Variants in PCDHGB6 observed in about 807,000 individuals in gnomAD.
PCDHGB6 encodes protocadherin gamma-B6.
A neutral mutation model predicts 59.1 loss-of-function variants in PCDHGB6; 51 were observed. That is an observed-to-expected ratio of 0.86 (90% CI 0.69 to 1.09). The LOEUF is 1.09. Among genes scored for constraint, PCDHGB6 ranks in the 50% least tolerant of loss-of-function variants. PCDHGB6 has a pLI of 0.00. For missense variants in PCDHGB6, 1,148 were observed against 1,205.1 expected (o/e 0.95, Z 0.70); for synonymous variants, 466 against 495.1 (o/e 0.94, Z 0.78).
At position 141,489,662 on chromosome 5, in the gene PCDHGB6, G is replaced by A. The variant is rs2233601; in HGVS notation, c.2419-5145G>A. On this transcript the variant is annotated intron_variant, in intron 1 of 3. Coordinates refer to ENST00000520790, the MANE Select transcript of PCDHGB6 (RefSeq NM_018926.3). This position sits in a 1 kb window ranked among gnomAD's most constrained non-coding sequence, Gnocchi z 4.5. ...TTTGCCACCCCTGAGCGAGAGATGC[G>A]CATCTCAGAATCAGCAGCATCTGGG... The A allele has an allele frequency of 4.0e-4, 649 of 1,614,144 alleles. 2 individuals are homozygous for A. The highest frequency in any genetic ancestry group is 1.5e-3 in the Middle Eastern group (9 of 6,062).
In PCDHGB6 at chr5:141,418,400, G is replaced by C; in HGVS notation, c.2418+7780G>C. ...AAGTCCTAACGAGTATTTCTCATTGGTGGAGAAAGACAATCCTGATGGTGG... is the reference window on the plus strand; with the variant it reads ...AAGTCCTAACGAGTATTTCTCATTGCTGGAGAAAGACAATCCTGATGGTGG... On this transcript the variant is annotated intron_variant, in intron 1 of 3. Coordinates refer to ENST00000520790, the MANE Select transcript of PCDHGB6 (RefSeq NM_018926.3). The C allele has an allele frequency of 6.2e-7, 1 of 1,613,900 alleles. No homozygotes were observed. The highest frequency in any genetic ancestry group is 8.5e-7 in the Non-Finnish European group (1 of 1,179,794).
At chr5:141,492,659 T>C (rs2099742881) in intron 1 of PCDHGB6, among the ~76,000 whole-genome samples, 1 of 152,182 alleles carries the variant, frequency 6.6e-6, no homozygotes, top group Non-Finnish European at 1.5e-5. Context: ...GTCCGGATGG[T>C]CCCGGGACTC....
At position 141,485,675 on chromosome 5, in the gene PCDHGB6, A is replaced by C. The variant is rs1562106929; in HGVS notation, c.2419-9132A>C. 6.2e-7 allele frequency: 1 copy of C among 1,613,068 alleles called. No homozygotes were observed. The highest frequency in any genetic ancestry group is 8.5e-7 in the Non-Finnish European group (1 of 1,179,150). On this transcript the variant is annotated intron_variant, in intron 1 of 3. Coordinates refer to ENST00000520790, the MANE Select transcript of PCDHGB6 (RefSeq NM_018926.3). The surrounding 1 kb of genome is among the most constrained non-coding windows in gnomAD (Gnocchi z 5.7). ...TGCAGATGTGGGGAGCAATTCGATT[A>C]GCAGCTATAGGCTGAGCTCCAATGA...
At chr5:141,510,296 G>A (rs999749575) in intron 3 of PCDHGB6, among the ~76,000 whole-genome samples, 6 of 149,608 alleles carry the variant, frequency 4.0e-5, no homozygotes, top group African/African-American at 1.5e-4. Flanking sequence ...AAAAAATGCT[G>A]TTTTGAAATG....
intron 1 of PCDHGB6, chr5:141,423,971 G>T: frequency 8.8e-7 from 1 of 1,136,014 alleles, no homozygotes; most frequent in Non-Finnish European, 1.1e-6. Context: ...TCTATTATCA[G>T]TGTATGAGGC....
intron 1 of PCDHGB6, chr5:141,413,400 G>C: frequency 6.2e-7 from 1 of 1,614,060 alleles, no homozygotes; most frequent in Non-Finnish European, 8.5e-7. Context: ...CCAGAGGTAG[G>C]ACGCAGCTTT....
intron 1 of PCDHGB6, among the ~76,000 whole-genome samples, chr5:141,471,913 G>A (rs1307168228): frequency 6.6e-6 from 1 of 152,164 alleles, no homozygotes. Context: ...CAAGCATGAG[G>A]GAAATTTTGG....
At chr5:141,455,160 GT>G (rs59530096) in intron 1 of PCDHGB6, among the ~76,000 whole-genome samples, 102 of 149,212 alleles carry the variant, frequency 6.8e-4, no homozygotes, top group East Asian at 7.9e-4. Flanking sequence ...TAGTTTGTTG[GT>G]TTTTTTTTTA....
intron 1 of PCDHGB6, among the ~76,000 whole-genome samples, chr5:141,437,976 T>G (rs1182220385): frequency 1.3e-5 from 2 of 152,096 alleles, no homozygotes; most frequent in Non-Finnish European, 2.9e-5. Flanking sequence ...GATCTTGGGA[T>G]GCACCCACCC....
intron 1 of PCDHGB6, among the ~76,000 whole-genome samples, chr5:141,460,961 A>ATATGTGTGTGTG (rs1463306338): frequency 4.1e-5 from 6 of 144,616 alleles, no homozygotes; most frequent in Admixed American, 1.4e-4. Flanking sequence ...GTATATATAT[A>ATATGTGTGTGTG]TGTGTGTGTG....
chr5:141,494,785 T>G, intron 1 of PCDHGB6, 22 bp from the exon 2 acceptor site: 1 of 1,614,016 alleles, frequency 6.2e-7, no homozygotes, highest in Non-Finnish European at 8.5e-7. Flanking sequence ...ACTCAGCCCC[T>G]TTCCCTCTGT....
intron 1 of PCDHGB6, among the ~76,000 whole-genome samples, chr5:141,468,921 G>A (rs1254189500): frequency 6.6e-6 from 1 of 151,342 alleles, no homozygotes; most frequent in African/African-American, 2.4e-5. Context: ...GAAGAGAATA[G>A]CACTAAAATG....
At chr5:141,419,756 G>A in intron 1 of PCDHGB6, 7 of 1,614,008 alleles carry the variant, frequency 4.3e-6, no homozygotes, top group East Asian at 2.2e-5. Flanking sequence ...GCGTGCTTTG[G>A]GTGACAAGGA....
At chr5:141,412,084 G>C (rs1199665555) in intron 1 of PCDHGB6, 1 of 152,170 alleles carries the variant, frequency 6.6e-6, no homozygotes, top group East Asian at 1.9e-4. Flanking sequence ...ATTGCTACTG[G>C]GTTGATGGGC....
In PCDHGB6 at chr5:141,511,307, G is replaced by A. The variant is rs919320754; in HGVS notation, c.*134G>A. On this transcript the variant is annotated 3_prime_UTR_variant, in exon 4 of 4. Coordinates refer to ENST00000520790, the MANE Select transcript of PCDHGB6 (RefSeq NM_018926.3). ...TAGGGGCCAAGGCCATGCTCCCCTT[G>A]GGAAACAGAAACAAGTGCCCAGTCA... 8 of 1,488,416 alleles carry A rather than the reference G, an allele frequency of 5.4e-6. No individual in the cohort carries two copies. Among genetic ancestry groups the A allele is most frequent in the Non-Finnish European group, 5.4e-6 (6 of 1,115,202 alleles). The allele number at this position is 1,488,416 out of a possible 1,614,324, so 92.2% of individuals were successfully genotyped here. A position where few individuals can be genotyped will look rare whatever the true frequency, so the allele number is the denominator to read the frequency against.
At chr5:141,502,862 C>CTTTT (rs2154593209) in intron 2 of PCDHGB6, among the ~76,000 whole-genome samples, 1 of 68,550 alleles carries the variant, frequency 1.5e-5, no homozygotes, top group African/African-American at 9.9e-5. Flanking sequence ...CCCTGACTCT[C>CTTTT]TGTCTTTTTT....
intron 1 of PCDHGB6, among the ~76,000 whole-genome samples, chr5:141,461,151 C>A (rs1424467673): frequency 6.6e-6 from 1 of 152,022 alleles, no homozygotes; most frequent in African/African-American, 2.4e-5. Context: ...TGGGTAGATA[C>A]CCAATAGTGG....
In PCDHGB6 at chr5:141,432,725, G is replaced by T; in HGVS notation, c.2418+22105G>T. The T allele has an allele frequency of 6.2e-7, 1 of 1,614,014 alleles. No individual in the cohort carries two copies. On this transcript the variant is annotated intron_variant, in intron 1 of 3. Coordinates refer to ENST00000520790, the MANE Select transcript of PCDHGB6 (RefSeq NM_018926.3). The surrounding 1 kb of genome is among the most constrained non-coding windows in gnomAD (Gnocchi z 6.0). ...GGACCACGGCCAGCCCCCTCTCTCC[G>T]CCACTGTCACGCTCACCGTGGCCGT...
In PCDHGB6 at chr5:141,485,589, A is replaced by G. The variant is rs1407992185; in HGVS notation, c.2419-9218A>G. 6.2e-7 allele frequency: 1 copy of G among 1,612,610 alleles called. No homozygotes were observed. Among genetic ancestry groups the G allele is most frequent in the Non-Finnish European group, 8.5e-7 (1 of 1,178,834 alleles). On this transcript the variant is annotated intron_variant, in intron 1 of 3. Coordinates refer to ENST00000520790, the MANE Select transcript of PCDHGB6 (RefSeq NM_018926.3). The surrounding 1 kb of genome is among the most constrained non-coding windows in gnomAD (Gnocchi z 5.7). Reference sequence around the variant, plus strand: ...CCCCGTTTTCCGCGGCAGCAGCTGGACTTGGAAATTGGGGAGGCAGCTCCT... The same window carrying G: ...CCCCGTTTTCCGCGGCAGCAGCTGGGCTTGGAAATTGGGGAGGCAGCTCCT...
Sources: allele counts gnomAD v4.1 joint callset (sites outside exome capture counted in the v4.1 genomes callset), GRCh38; gene constraint gnomAD v4.1.1; non-coding constraint Gnocchi (gnomAD v3.1); transcripts MANE v1.5; gene names NCBI Gene and HGNC (gene_info 2026-07-23, HGNC 2026-07-21).